PER2: variants seen among roughly 807,000 people sequenced by gnomAD.
The protein encoded by PER2 is period circadian protein homolog 2.
A neutral mutation model predicts 121.0 loss-of-function variants in PER2; 66 were observed. That is an observed-to-expected ratio of 0.55 (90% CI 0.45 to 0.67). The LOEUF (loss-of-function observed/expected upper bound fraction) is 0.67, where lower values mean the gene tolerates loss of function less well. Among genes scored for constraint, PER2 ranks in the 30% least tolerant of loss-of-function variants. PER2 has a pLI of 0.00. For missense variants in PER2, 1,521 were observed against 1,635.0 expected (o/e 0.93, Z 1.20); for synonymous variants, 684 against 659.9 (o/e 1.04, Z -0.56).
Position 238,251,693 on chromosome 2 carries a change from C to G in PER2, c.3180G>C (p.Leu1060=). 6.2e-7 allele frequency: 1 copy of G among 1,614,056 alleles called. No individual in the cohort carries two copies. ...LSTSSGLLNL[L]LNEDLCSASG... is the part of the protein sequence containing the mutation. ...AGGCTGAGCAGAGGTCCTCATTCAGCAGGAGGTTTAGGAGGCCGCTTGACG... is the reference window on the plus strand; with the variant it reads ...AGGCTGAGCAGAGGTCCTCATTCAGGAGGAGGTTTAGGAGGCCGCTTGACG... Residue 1060 remains leucine, a synonymous_variant, in exon 20 of 23, where the codon CTG becomes CTC. Transcript: ENST00000254657.
rs138138301 is a variant in PER2 at position 238,271,373 on chromosome 2, G to A, written c.711C>T (p.Gly237=). 2.0e-5 allele frequency: 33 copies of A among 1,614,180 alleles called. No homozygotes were observed. Among genetic ancestry groups the A allele is most frequent in the South Asian group, 1.4e-4 (13 of 91,082 alleles). ...FVEFLAPHDV[G]VFHSFTSPYK... is the part of the protein sequence containing the mutation. Reference sequence around the variant, plus strand: ...ACGGGGAGGTGAAACTGTGGAACACGCCCACATCGTGAGGCGCCAGGAACT... The same window carrying A: ...ACGGGGAGGTGAAACTGTGGAACACACCCACATCGTGAGGCGCCAGGAACT... The change falls in exon 6 of 23, where the codon GGC becomes GGT. Residue 237 remains glycine, a synonymous_variant. Coordinates refer to ENST00000254657, the MANE Select transcript of PER2 (RefSeq NM_022817.3).
At chr2:238,261,667 G>T in intron 12 of PER2, 62 bp downstream of exon 12, 1 of 1,051,700 alleles carries the variant, frequency 9.5e-7, no homozygotes, top group Non-Finnish European at 1.4e-6. Flanking sequence ...CAGAGCCTAT[G>T]TCCTCTGCAG....
Position 238,277,815 on chromosome 2 carries a change from T to C in PER2, c.122A>G (p.His41Arg). The C allele has an allele frequency of 1.2e-6, 2 of 1,614,208 alleles. No individual in the cohort carries two copies. Among genetic ancestry groups the C allele is most frequent in the Non-Finnish European group, 1.7e-6 (2 of 1,180,028 alleles). Reference protein sequence around the residue: ...DVDMSSGSSGHETNENCSTGR... With the variant: ...DVDMSSGSSGRETNENCSTGR... Reference sequence around the variant, plus strand: ...CGTGGAGCAGTTTTCGTTGGTCTCATGTCCACTGGAGCCACTGCTCATGTC... The same window carrying C: ...CGTGGAGCAGTTTTCGTTGGTCTCACGTCCACTGGAGCCACTGCTCATGTC... Residue 41 changes from histidine to arginine, a missense_variant, in exon 2 of 23, where the codon CAT (histidine) becomes CGT (arginine). His to Arg is a conservative substitution (Grantham distance 29). Coordinates refer to ENST00000254657, the MANE Select transcript of PER2 (RefSeq NM_022817.3).
At chr2:238,261,145 G>C (rs758661236) in intron 12 of PER2, among the ~76,000 whole-genome samples, 192 bp from the exon 13 acceptor site, 1 of 152,226 alleles carries the variant, frequency 6.6e-6, no homozygotes, top group Non-Finnish European at 1.5e-5. Context: ...CAGCCGCGGT[G>C]CCCCGACCCA....
intron 18 of PER2, chr2:238,255,450 A>G (rs553099175): frequency 3.1e-6 from 2 of 637,406 alleles, no homozygotes; most frequent in Non-Finnish European, 5.6e-6. Context: ...ACTATTCCCC[A>G]GGGAATGCAA....
In PER2 at chr2:238,253,559, G is replaced by A; in HGVS notation, c.2464C>T (p.Pro822Ser). 1 of 1,610,750 alleles carries A rather than the reference G, an allele frequency of 6.2e-7. No individual in the cohort carries two copies. Among genetic ancestry groups the A allele is most frequent in the Non-Finnish European group, 8.5e-7 (1 of 1,178,708 alleles). ...GCTGTGGCGTTCAAGCCCACCAGCGGGGGCCGGGCGGACACGGGCCCCCCA... is the reference window on the plus strand; with the variant it reads ...GCTGTGGCGTTCAAGCCCACCAGCGAGGGCCGGGCGGACACGGGCCCCCCA... Reference protein sequence around the residue: ...GSGGPVSARPPLVGLNATAWS... With the variant: ...GSGGPVSARPSLVGLNATAWS... The change falls in exon 19 of 23, where the codon CCG (proline) becomes TCG (serine). Residue 822 changes from proline to serine, a missense_variant. By Grantham distance (74) the Pro-to-Ser change is moderately conservative. Coordinates refer to ENST00000254657, the MANE Select transcript of PER2 (RefSeq NM_022817.3). The surrounding 1 kb of genome is among the most constrained non-coding windows in gnomAD (Gnocchi z 5.6).
At chr2:238,276,836 C>T (rs1371957524) in intron 3 of PER2, among the ~76,000 whole-genome samples, 5 of 152,108 alleles carry the variant, frequency 3.3e-5, no homozygotes, top group African/African-American at 4.8e-5. Flanking sequence ...CAAACACCTA[C>T]GAAGGGTGAA....
intron 1 of PER2, among the ~76,000 whole-genome samples, chr2:238,283,835 C>T (rs1224138085): frequency 1.3e-5 from 2 of 152,192 alleles, no homozygotes; most frequent in Admixed American, 1.3e-4. Flanking sequence ...TGGACACCAC[C>T]CATCTCATCC....
chr2:238,287,555 T>A (rs923788989), intron 1 of PER2, among the ~76,000 whole-genome samples: 3 of 152,128 alleles, frequency 2.0e-5, no homozygotes, highest in African/African-American at 7.2e-5. Context: ...CCTCCCAAAT[T>A]CCAGCCCACC....
intron 20 of PER2, among the ~76,000 whole-genome samples, chr2:238,250,957 C>A (rs74608203): frequency 6.6e-6 from 1 of 152,338 alleles, no homozygotes; most frequent in East Asian, 1.9e-4. Flanking sequence ...GCAGGCGATT[C>A]TTTCCTGTGA....
chr2:238,250,610 G>C lies in PER2; in HGVS notation c.3408C>G (p.Ile1136Met), dbSNP rs753677418. The change falls in exon 21 of 23, where the codon ATC becomes ATG. Residue 1136 changes from isoleucine (I) to methionine (M), a missense_variant. Coordinates refer to ENST00000254657, the MANE Select transcript of PER2 (RefSeq NM_022817.3). ...TGTCCGCATCTGCCATCAGCAGCCAGATGGGATCCTGCAGGACGCACTTAA... is the reference window on the plus strand; with the variant it reads ...TGTCCGCATCTGCCATCAGCAGCCACATGGGATCCTGCAGGACGCACTTAA... ...HFIKCVLQDP[I>M]WLLMADADSS... 6.2e-7 allele frequency: 1 copy of C among 1,614,002 alleles called. No homozygotes were observed. Among genetic ancestry groups the C allele is most frequent in the Non-Finnish European group, 8.5e-7 (1 of 1,179,850 alleles).
chr2:238,296,003 C>T, the PER2 span, among the ~76,000 whole-genome samples: 1 of 151,924 alleles, frequency 6.6e-6, no homozygotes, highest in Non-Finnish European at 1.5e-5. Flanking sequence ...ACACAGCCCT[C>T]CTGCTGCAGA....
chr2:238,251,809 C>A (rs77341212), intron 19 of PER2, 48 bp from the exon 20 acceptor site: 19,316 of 951,010 alleles, frequency 0.02, 434 homozygotes, highest in South Asian at 0.076. Context: ...TCAGTCAGGA[C>A]ACAGCATATG....
At chr2:238,270,733 G>A (rs1250247844) in intron 6 of PER2, among the ~76,000 whole-genome samples, 1 of 152,262 alleles carries the variant, frequency 6.6e-6, no homozygotes, top group East Asian at 1.9e-4. Flanking sequence ...CTGGAAATGA[G>A]GCAGGGTAGA....
chr2:238,272,608 G>A (rs2106318999), intron 5 of PER2, among the ~76,000 whole-genome samples: 1 of 152,380 alleles, frequency 6.6e-6, no homozygotes, highest in Non-Finnish European at 1.5e-5. Flanking sequence ...CAGAGTGGTA[G>A]AGTAGGTGTG....
Position 238,255,715 on chromosome 2 carries a change from GAA to G in PER2, c.2260_2261del (p.Phe754ProfsTer18). The G allele has an allele frequency of 6.2e-7, 1 of 1,614,230 alleles. No individual in the cohort carries two copies. The highest frequency in any genetic ancestry group is 8.5e-7 in the Non-Finnish European group (1 of 1,180,000). The stretch of plus-strand genomic sequence containing the variant: ...GCAAGTAGTAATGGCAGTGGGACTG[GAA>G]AATGCTGAGTTTTCTTATTTCTTTG... ...KFKEIRKLSI[F>X]QSHCHYYLQE... On this transcript the variant is annotated frameshift_variant, in exon 18 of 23. Transcript: ENST00000254657. LOFTEE classifies it high-confidence loss of function.
Position 238,257,032 on chromosome 2 carries a change from G to T in PER2, c.1955C>A (p.Thr652Asn). ...NSRTGVGTHL[T>N]SLALPGKAES... is the part of the protein sequence containing the mutation. ...TGCCTTGCCCGGCAGTGCCAGCGAG[G>T]TCAGGTGCGTACCTACTCCCGTGCG... Residue 652 changes from threonine (T) to asparagine (N), a missense_variant, in exon 17 of 23, where the codon ACC (threonine) becomes AAC (asparagine). Transcript: ENST00000254657. 1.2e-6 allele frequency: 2 copies of T among 1,613,444 alleles called. No individual in the cohort carries two copies. Among genetic ancestry groups the T allele is most frequent in the Non-Finnish European group, 1.7e-6 (2 of 1,179,858 alleles).
chr2:238,250,781 CAT>C (rs1695577282), intron 20 of PER2, 38 bp from the exon 21 acceptor site: 2 of 1,421,484 alleles, frequency 1.4e-6, no homozygotes, highest in South Asian at 1.2e-5. Flanking sequence ...AAAACATTGA[CAT>C]ATGAAATTAA....
intron 1 of PER2, 123 bp from the exon 2 acceptor site, chr2:238,278,078 T>TCTCTG: frequency 1.1e-6 from 1 of 934,978 alleles, no homozygotes. Flanking sequence ...TCTTTCTTTC[T>TCTCTG]TCTCTCTGTC....
Sources: allele counts gnomAD v4.1 joint callset (sites outside exome capture counted in the v4.1 genomes callset), GRCh38; gene constraint gnomAD v4.1.1; non-coding constraint Gnocchi (gnomAD v3.1); transcripts MANE v1.5; gene names NCBI Gene and HGNC (gene_info 2026-07-23, HGNC 2026-07-21).